STON2: variants seen among roughly 807,000 people sequenced by gnomAD.
STON2 encodes the protein stonin 2.
Under a neutral mutation model 65.7 loss-of-function variants are expected in STON2, and 29 were observed. The observed-to-expected ratio is 0.44, with a 90% confidence interval of 0.33 to 0.60. The LOEUF (loss-of-function observed/expected upper bound fraction) is 0.60, where lower values mean the gene tolerates loss of function less well. STON2 is among the 20% of genes least tolerant of loss of function. STON2 has a pLI of 0.03. For missense variants in STON2, 1,054 were observed against 1,118.1 expected (o/e 0.94, Z 0.82); for synonymous variants, 404 against 414.2 (o/e 0.98, Z 0.30).
intron 3 of STON2, among the ~76,000 whole-genome samples, chr14:81,376,399 A>G (rs1899253517): frequency 6.6e-6 from 1 of 152,090 alleles, no homozygotes; most frequent in South Asian, 2.1e-4. Context: ...CTAGCAAAAT[A>G]TAACTTTTCA....
At chr14:81,319,480 C>T (rs1157395718) in intron 5 of STON2, among the ~76,000 whole-genome samples, 7 of 152,124 alleles carry the variant, frequency 4.6e-5, no homozygotes, top group Non-Finnish European at 1.0e-4. Flanking sequence ...TTTTTCCCAT[C>T]TAGCATCTGG....
In STON2 at chr14:81,277,626, A is replaced by G. The variant is rs781670675; in HGVS notation, c.1856T>C (p.Val619Ala). 3.1e-6 allele frequency: 5 copies of G among 1,613,982 alleles called. No homozygotes were observed. Among genetic ancestry groups the G allele is most frequent in the African/African-American group, 2.7e-5 (2 of 74,884 alleles). Residue 619 changes from valine (V) to alanine (A), a missense_variant, in exon 6 of 8, where the codon GTT becomes GCT. Coordinates refer to ENST00000614646, the MANE Select transcript of STON2 (RefSeq NM_001394390.1). ...LPVLSMDLST[V>A]GLNYLEEEIT... ...CTCCTCTTCAAGGTAGTTGAGGCCA[A>G]CTGTGCTCAAGTCCATTGACAACAC...
rs1202492129 is a variant in STON2 at position 81,278,282 on chromosome 14, T to G, written c.1200A>C (p.Gln400His). The stretch of plus-strand genomic sequence containing the variant: ...CCGTGGTACTGGAAATGGAACTGTT[T>G]TGGGAGCGCCTCTCCTGCTCCTCAA... ...AFFEEQERRS[Q>H]NSSISSTTGK... is the part of the protein sequence containing the mutation. The change falls in exon 6 of 8, where the codon CAA (glutamine) becomes CAC (histidine). Residue 400 changes from glutamine to histidine, a missense_variant. Gln to His is a conservative substitution (Grantham distance 24). Transcript: ENST00000614646. 1.2e-6 allele frequency: 2 copies of G among 1,614,112 alleles called. No individual in the cohort carries two copies. The highest frequency in any genetic ancestry group is 2.2e-5 in the South Asian group (2 of 91,082).
chr14:81,410,515 T>A (rs1276966546), intron 2 of STON2, among the ~76,000 whole-genome samples: 1 of 152,148 alleles, frequency 6.6e-6, no homozygotes, highest in East Asian at 1.9e-4. Flanking sequence ...GCTTCAGTCC[T>A]GCAACCACAA....
intron 2 of STON2, among the ~76,000 whole-genome samples, chr14:81,418,661 A>T (rs1369968152): frequency 1.3e-5 from 2 of 152,254 alleles, no homozygotes. Flanking sequence ...AGCTTGCCTC[A>T]GGTAAGGGGC....
At chr14:81,413,639 C>CA (rs1156911185) in intron 2 of STON2, among the ~76,000 whole-genome samples, 1 of 138,006 alleles carries the variant, frequency 7.2e-6, no homozygotes, top group Non-Finnish European at 1.5e-5. Context: ...ATTAAAAATA[C>CA]AAAAAAATTA....
intron 5 of STON2, among the ~76,000 whole-genome samples, chr14:81,321,114 T>C (rs1896806318): frequency 6.6e-6 from 1 of 152,230 alleles, no homozygotes; most frequent in African/African-American, 2.4e-5. Context: ...AGCTCCAAGA[T>C]GCATGCAGCG....
intron 1 of STON2, among the ~76,000 whole-genome samples, chr14:81,429,706 G>A (rs553166994): frequency 6.6e-5 from 10 of 152,296 alleles, no homozygotes; most frequent in African/African-American, 2.4e-4. Context: ...GGCCGAGGCA[G>A]GTGGACCACC....
At chr14:81,296,805 G>A (rs1895778810) in intron 5 of STON2, among the ~76,000 whole-genome samples, 1 of 152,160 alleles carries the variant, frequency 6.6e-6, no homozygotes, top group Admixed American at 6.5e-5. Context: ...AAGTCAGCAT[G>A]CATTTGATAA....
intron 5 of STON2, among the ~76,000 whole-genome samples, chr14:81,288,409 T>C (rs1050074248): frequency 1.3e-5 from 2 of 152,252 alleles, no homozygotes; most frequent in African/African-American, 2.4e-5. Flanking sequence ...CGAGGCTGCA[T>C]GGTATAGCCT....
chr14:81,272,168 G>C (rs1490883629), intron 6 of STON2, among the ~76,000 whole-genome samples: 3 of 152,214 alleles, frequency 2.0e-5, no homozygotes, highest in Non-Finnish European at 2.9e-5. Flanking sequence ...CTTGCAGTGA[G>C]CCAAGATTGC....
chr14:81,326,539 G>A (rs1897010508), intron 4 of STON2, among the ~76,000 whole-genome samples: 1 of 152,016 alleles, frequency 6.6e-6, no homozygotes, highest in Non-Finnish European at 1.5e-5. Context: ...CATTACACAA[G>A]GAACTCCAAC....
intron 5 of STON2, among the ~76,000 whole-genome samples, chr14:81,317,586 A>G (rs1157166828): frequency 6.6e-6 from 1 of 152,240 alleles, no homozygotes; most frequent in Non-Finnish European, 1.5e-5. Context: ...GCCTTTCACA[A>G]AATAAATCAG....
exon 1 of STON2, chr14:81,436,365 C>A (rs1208250189): frequency 6.6e-6 from 1 of 151,600 alleles, no homozygotes; most frequent in African/African-American, 2.4e-5. Context: ...CGAAAGGTCG[C>A]CGCGGCAAAG....
At position 81,435,670 on chromosome 14, in the gene STON2, CGCACACACACGCACGAAT is replaced by C. The variant is rs1255345953; in HGVS notation, c.-310+633_-310+650del. ...GGGGTTGCACCAGAACACACGGACG[CGCACACACACGCACGAAT>C]GCACACACACGCACACGCGCGCGCA... On this transcript the variant is annotated intron_variant, in intron 1 of 8. Transcript: ENST00000553821. Among the ~76,000 whole-genome samples, 361 of 152,046 alleles carry C rather than the reference CGCACACACACGCACGAAT, an allele frequency of 2.4e-3. 2 individuals are homozygous for C. The highest frequency in any genetic ancestry group is 8.3e-3 in the African/African-American group (345 of 41,360).
Position 81,371,142 on chromosome 14 carries a change from G to T in STON2, c.417C>A (p.Asp139Glu). 6.2e-7 allele frequency: 1 copy of T among 1,614,204 alleles called. No individual in the cohort carries two copies. The highest frequency in any genetic ancestry group is 8.5e-7 in the Non-Finnish European group (1 of 1,180,028). Reference sequence around the variant, plus strand: ...AAGTCAGAGGGCATCTCCCCAGGGAGTCAAAGGAAGGGCATGTCCAGCAGG... The same window carrying T: ...AAGTCAGAGGGCATCTCCCCAGGGATTCAAAGGAAGGGCATGTCCAGCAGG... ...TMPCWTCPSF[D>E]SLGRCPLTSE... Residue 139 changes from aspartate to glutamate, a missense_variant, in exon 4 of 8, where the codon GAC becomes GAA. Asp to Glu is a conservative substitution (Grantham distance 45). Transcript: ENST00000614646.
At position 81,264,347 on chromosome 14, in the gene STON2, T is replaced by C; in HGVS notation, c.*4067A>G. 5 of 985,482 alleles carry C rather than the reference T, an allele frequency of 5.1e-6. No individual in the cohort carries two copies. The highest frequency in any genetic ancestry group is 6.0e-6 in the Non-Finnish European group (5 of 829,938). The allele number at this position is 985,482 out of a possible 1,614,324, so 61.0% of individuals were successfully genotyped here. On this transcript the variant is annotated 3_prime_UTR_variant, in exon 8 of 8. Transcript: ENST00000614646. Reference sequence around the variant, plus strand: ...ATAAAAGCATGCTTGCTGGCTTTATTATGAGTATTTGATGATAAGTAAGGG... The same window carrying C: ...ATAAAAGCATGCTTGCTGGCTTTATCATGAGTATTTGATGATAAGTAAGGG...
chr14:81,428,758 G>C (rs758720211), intron 1 of STON2, among the ~76,000 whole-genome samples: 51 of 152,070 alleles, frequency 3.4e-4, no homozygotes, highest in Admixed American at 1.2e-3. Context: ...AAAAACTTAA[G>C]ATAAATGTTT....
intron 5 of STON2, among the ~76,000 whole-genome samples, chr14:81,322,635 G>C (rs1406902435): frequency 6.6e-6 from 1 of 152,202 alleles, no homozygotes; most frequent in African/African-American, 2.4e-5. Context: ...TCCAGCAAAA[G>C]ACATACTACT....
Sources: allele counts gnomAD v4.1 joint callset (sites outside exome capture counted in the v4.1 genomes callset), GRCh38; gene constraint gnomAD v4.1.1; transcripts MANE v1.5; gene names NCBI Gene and HGNC (gene_info 2026-07-23, HGNC 2026-07-21).